NALF1: variants seen among roughly 807,000 people sequenced by gnomAD.
The protein encoded by NALF1 is family with sequence similarity 155 member A.
Under a neutral mutation model 48.4 loss-of-function variants are expected in NALF1, and 3 were observed. The observed-to-expected ratio is 0.06, with a 90% CI of 0.03 to 0.16. NALF1 has a LOEUF of 0.16. Among genes scored for constraint, NALF1 ranks in the 10% least tolerant of loss-of-function variants. NALF1 has a pLI of 1.00. For missense variants in NALF1, 526 were observed against 571.5 expected (o/e 0.92, Z 0.81); for synonymous variants, 262 against 245.7 (o/e 1.07, Z -0.62).
chr13:107,364,360 G>A (rs1031640640), intron 1 of NALF1, among the ~76,000 whole-genome samples: 4 of 152,228 alleles, frequency 2.6e-5, no homozygotes, highest in African/African-American at 9.6e-5. Flanking sequence ...CTGTGTGGAT[G>A]TGAAATGCAA....
intron 1 of NALF1, among the ~76,000 whole-genome samples, chr13:107,774,291 A>G (rs1236807490): frequency 1.4e-4 from 22 of 152,346 alleles, no homozygotes. Context: ...TACAAATATT[A>G]GTGTCAGCTC....
rs1880402606 is a variant in NALF1 at position 107,854,819 on chromosome 13, A to T, written c.915+10863T>A. ...AACCCGGGAGGCGGCGGTTGCAGTG[A>T]GCCAAGATGGCGCCACTGCACTTCA... On this transcript the variant is annotated intron_variant, in intron 1 of 2. Coordinates refer to ENST00000375915, the MANE Select transcript of NALF1 (RefSeq NM_001080396.3). Among the ~76,000 whole-genome samples the T allele has an allele frequency of 4.7e-5, 7 of 149,858 alleles. No homozygotes were observed. In the South Asian group the frequency reaches 1.5e-3, roughly 32 times the overall value.
rs1876124813 is a variant in NALF1 at position 107,725,588 on chromosome 13, G to A, written c.915+140094C>T. Among the ~76,000 whole-genome samples, 5 of 152,112 alleles carry A rather than the reference G, an allele frequency of 3.3e-5. No individual in the cohort carries two copies. The South Asian group carries it at 8.3e-4, about 25-fold the overall frequency. On this transcript the variant is annotated intron_variant, in intron 1 of 2. Transcript: ENST00000375915. ...TACCTGGGCGCAGAGGCGCACGCCT[G>A]TAGTCCCAGCTACTTGAACCAGGGA...
At chr13:107,470,910 T>A (rs1282085179) in intron 1 of NALF1, among the ~76,000 whole-genome samples, 1 of 152,224 alleles carries the variant, frequency 6.6e-6, no homozygotes, top group East Asian at 1.9e-4. Context: ...ATATTTTACA[T>A]GCTTTTATAT....
chr13:107,794,447 A>G (rs1468663429), intron 1 of NALF1, among the ~76,000 whole-genome samples: 2 of 148,688 alleles, frequency 1.3e-5, no homozygotes, highest in African/African-American at 4.9e-5. Flanking sequence ...GGGTAAATCT[A>G]TTGTTCTCTA....
At chr13:107,336,032 C>A (rs996502518) in intron 1 of NALF1, among the ~76,000 whole-genome samples, 11 of 152,002 alleles carry the variant, frequency 7.2e-5, no homozygotes, top group African/African-American at 2.7e-4. Context: ...CTCTCTCTTG[C>A]AAAATTAATG....
intron 1 of NALF1, among the ~76,000 whole-genome samples, chr13:107,680,477 AGTGT>A (rs1197654875): frequency 1.3e-5 from 2 of 151,550 alleles, no homozygotes; most frequent in East Asian, 1.9e-4. Context: ...TATGAATGAG[AGTGT>A]GTGTATGAGG....
intron 1 of NALF1, among the ~76,000 whole-genome samples, chr13:107,259,049 T>G (rs1221862737): frequency 6.6e-6 from 1 of 152,128 alleles, no homozygotes; most frequent in African/African-American, 2.4e-5. Flanking sequence ...TAAGGAAATC[T>G]TTCCTTCATT....
At chr13:107,331,820 G>A (rs971722166) in intron 1 of NALF1, among the ~76,000 whole-genome samples, 6 of 151,882 alleles carry the variant, frequency 4.0e-5, no homozygotes, top group African/African-American at 1.4e-4. Flanking sequence ...TTAGAAAAGA[G>A]AATCAAAATG....
chr13:107,284,770 C>T (rs537539802), intron 1 of NALF1, among the ~76,000 whole-genome samples: 1 of 152,242 alleles, frequency 6.6e-6, no homozygotes, highest in Non-Finnish European at 1.5e-5. Flanking sequence ...GTCATGTGGG[C>T]ACAGAGCATG....
intron 1 of NALF1, among the ~76,000 whole-genome samples, chr13:107,459,727 C>T (rs556014094): frequency 2.6e-4 from 39 of 152,098 alleles, no homozygotes; most frequent in African/African-American, 8.9e-4. Flanking sequence ...CCATTCTTGT[C>T]ATGCTTCTTA....
chr13:107,554,902 T>G (rs1594126363), intron 1 of NALF1, among the ~76,000 whole-genome samples: 1 of 151,200 alleles, frequency 6.6e-6, no homozygotes, highest in East Asian at 2.0e-4. Context: ...GAAGGAGGAG[T>G]GTAGAGAATG....
At chr13:107,677,659 T>A (rs7982455) in intron 1 of NALF1, among the ~76,000 whole-genome samples, 1 of 151,910 alleles carries the variant, frequency 6.6e-6, no homozygotes, top group Non-Finnish European at 1.5e-5. Context: ...TAATAAACTG[T>A]CAAGTGAGAA....
intron 1 of NALF1, among the ~76,000 whole-genome samples, chr13:107,659,835 T>C (rs1182552206): frequency 2.0e-5 from 3 of 151,122 alleles, no homozygotes; most frequent in Non-Finnish European, 4.4e-5. Context: ...TTTTGAGATG[T>C]AGTCTCGCTC....
chr13:107,330,014 G>A (rs894880114), intron 1 of NALF1, among the ~76,000 whole-genome samples: 2 of 152,172 alleles, frequency 1.3e-5, no homozygotes, highest in Non-Finnish European at 2.9e-5. Context: ...TTGCTTCAGA[G>A]TTGCCTTTGG....
intron 2 of NALF1, among the ~76,000 whole-genome samples, chr13:107,185,056 C>T (rs1879143196): frequency 6.6e-6 from 1 of 152,118 alleles, no homozygotes; most frequent in South Asian, 2.1e-4. Flanking sequence ...ATGTCAGAGA[C>T]ATACAGAGAA....
chr13:107,606,689 C>T (rs1879081065), intron 1 of NALF1, among the ~76,000 whole-genome samples: 1 of 152,132 alleles, frequency 6.6e-6, no homozygotes, highest in African/African-American at 2.4e-5. Context: ...TGAGAGGAAA[C>T]ATTTCAAAAA....
chr13:107,417,341 C>G (rs1287352224), intron 1 of NALF1, among the ~76,000 whole-genome samples: 2 of 152,134 alleles, frequency 1.3e-5, no homozygotes, highest in African/African-American at 4.8e-5. Flanking sequence ...GTTTGCACAA[C>G]AGATATCAAC....
intron 1 of NALF1, among the ~76,000 whole-genome samples, chr13:107,254,531 T>A (rs906235901): frequency 6.6e-6 from 1 of 152,130 alleles, no homozygotes; most frequent in Non-Finnish European, 1.5e-5. Context: ...TGGGGAATGG[T>A]CATTTCTATA....
Sources: allele counts gnomAD v4.1 joint callset (sites outside exome capture counted in the v4.1 genomes callset), GRCh38; gene constraint gnomAD v4.1.1; transcripts MANE v1.5; gene names NCBI Gene and HGNC (gene_info 2026-07-23, HGNC 2026-07-21).